Variants in ANO3 observed in about 807,000 individuals in gnomAD.
ANO3 encodes anoctamin 3.
Under a neutral mutation model 144.8 loss-of-function variants are expected in ANO3, and 99 were observed. The observed-to-expected ratio is 0.68, with a 90% CI of 0.58 to 0.81. The LOEUF is 0.81. ANO3 is among the 30% of genes least tolerant of loss of function. ANO3 has a pLI of 0.00. For missense variants in ANO3, 905 were observed against 1,202.2 expected, an observed-to-expected ratio of 0.75 and a Z score of 3.66; for synonymous variants, 414 against 392.6, an observed-to-expected ratio of 1.05 and a Z score of -0.64.
intron 1 of ANO3, among the ~76,000 whole-genome samples, chr11:26,215,747 T>A (rs2133787387): frequency 6.6e-6 from 1 of 152,146 alleles, no homozygotes; most frequent in African/African-American, 2.4e-5. Flanking sequence ...GGTAGCTATC[T>A]CTATCTATAT....
At chr11:26,381,443 T>G (rs1455350927) in intron 1 of ANO3, among the ~76,000 whole-genome samples, 1 of 152,208 alleles carries the variant, frequency 6.6e-6, no homozygotes, top group Non-Finnish European at 1.5e-5. Flanking sequence ...ATAGGCTTTT[T>G]CCTACTACGC....
chr11:26,247,473 A>C (rs1852823528), intron 1 of ANO3, among the ~76,000 whole-genome samples: 1 of 152,228 alleles, frequency 6.6e-6, no homozygotes, highest in Non-Finnish European at 1.5e-5. Flanking sequence ...AAAGGGGAAC[A>C]TGCTTCATCA....
chr11:26,544,962 T>C (rs546479946), intron 11 of ANO3, among the ~76,000 whole-genome samples: 7 of 152,076 alleles, frequency 4.6e-5, no homozygotes, highest in Admixed American at 3.3e-4. Flanking sequence ...TGAAAGAGTA[T>C]AGATGGCATT....
intron 1 of ANO3, among the ~76,000 whole-genome samples, chr11:26,286,357 G>C (rs913199402): frequency 6.6e-6 from 1 of 152,168 alleles, no homozygotes; most frequent in African/African-American, 2.4e-5. Flanking sequence ...TCAGGGGTCT[G>C]AATTCTGGCT....
intron 1 of ANO3, among the ~76,000 whole-genome samples, chr11:26,232,289 C>G (rs1055629841): frequency 6.6e-6 from 1 of 152,116 alleles, no homozygotes; most frequent in Non-Finnish European, 1.5e-5. Context: ...GTGGTAGGAA[C>G]AGCAAGACGT....
chr11:26,379,789 T>TCA (rs1856537358), intron 1 of ANO3, among the ~76,000 whole-genome samples: 1 of 151,978 alleles, frequency 6.6e-6, no homozygotes, highest in African/African-American at 2.4e-5. Context: ...AAACCCCGTT[T>TCA]CAAAAAAAGA....
At chr11:26,235,966 T>A (rs1381569759) in intron 1 of ANO3, among the ~76,000 whole-genome samples, 1 of 152,186 alleles carries the variant, frequency 6.6e-6, no homozygotes, top group South Asian at 2.1e-4. Flanking sequence ...ATACTTCTTA[T>A]GTTTCTTTTT....
intron 9 of ANO3, 111 bp downstream of exon 9, chr11:26,534,673 A>G (rs1849459811): frequency 1.5e-6 from 1 of 678,998 alleles, no homozygotes; most frequent in East Asian, 2.7e-5. Context: ...ATAGATGTGT[A>G]TAACATATTG....
At chr11:26,420,192 A>G (rs1319524901) in intron 1 of ANO3, among the ~76,000 whole-genome samples, 4 of 152,096 alleles carry the variant, frequency 2.6e-5, no homozygotes, top group Non-Finnish European at 1.5e-5. Context: ...TCAAAAGTAA[A>G]TCAAACTCAA....
At chr11:26,359,876 A>AGTTGT in intron 1 of ANO3, among the ~76,000 whole-genome samples, 1 of 149,498 alleles carries the variant, frequency 6.7e-6, no homozygotes, top group East Asian at 2.0e-4. Context: ...ATGTCAGACT[A>AGTTGT]GTGTGTGTGT....
intron 14 of ANO3, among the ~76,000 whole-genome samples, chr11:26,596,725 A>G (rs1851640059): frequency 6.6e-6 from 1 of 152,188 alleles, no homozygotes; most frequent in East Asian, 1.9e-4. Context: ...TTGGGGCTAC[A>G]CTTTCAAGAA....
intron 1 of ANO3, among the ~76,000 whole-genome samples, chr11:26,423,220 T>C (rs1857805761): frequency 1.3e-5 from 2 of 151,398 alleles, no homozygotes; most frequent in African/African-American, 2.4e-5. Context: ...AAAAGAAGAA[T>C]CAGTGTTTTT....
At chr11:26,261,458 C>T (rs1467473661) in intron 1 of ANO3, among the ~76,000 whole-genome samples, 7 of 152,184 alleles carry the variant, frequency 4.6e-5, no homozygotes, top group Non-Finnish European at 8.8e-5. Flanking sequence ...AAATCATCAC[C>T]TGATTGCTTT....
chr11:26,431,532 T>C (rs918807222), intron 1 of ANO3, among the ~76,000 whole-genome samples: 1 of 152,182 alleles, frequency 6.6e-6, no homozygotes, highest in Non-Finnish European at 1.5e-5. Flanking sequence ...ACCCAATAGT[T>C]ATTTTTGTTT....
intron 1 of ANO3, among the ~76,000 whole-genome samples, chr11:26,256,837 T>C (rs1461397): frequency 0.22 from 33,612 of 151,928 alleles, 4,415 homozygotes; most frequent in South Asian, 0.29. Context: ...TGGTTCACAG[T>C]TTGGAGGATT....
At chr11:26,405,809 GAGA>G (rs1857262604) in intron 1 of ANO3, among the ~76,000 whole-genome samples, 2 of 151,994 alleles carry the variant, frequency 1.3e-5, no homozygotes, top group African/African-American at 4.8e-5. Context: ...CCTTCCCTGA[GAGA>G]AGTAGTTTTC....
intron 1 of ANO3, among the ~76,000 whole-genome samples, chr11:26,271,672 A>G (rs1204394395): frequency 6.6e-6 from 1 of 151,634 alleles, no homozygotes; most frequent in Non-Finnish European, 1.5e-5. Flanking sequence ...GTTGATTTTT[A>G]TAAACACTAT....
At chr11:26,245,628 C>G (rs746305832) in intron 1 of ANO3, among the ~76,000 whole-genome samples, 1 of 152,074 alleles carries the variant, frequency 6.6e-6, no homozygotes, top group Admixed American at 6.6e-5. Flanking sequence ...CAAAGGAAAA[C>G]GTTTCCTTTT....
At chr11:26,560,928 A>G in intron 14 of ANO3, 1 of 813,520 alleles carries the variant, frequency 1.2e-6, no homozygotes, top group Non-Finnish European at 1.9e-6. Context: ...CATTTCTGCT[A>G]CTGGTCTCCT....
Sources: gnomAD v4.1 joint callset for allele counts (sites outside exome capture counted in the v4.1 genomes callset) on GRCh38, gnomAD v4.1.1 for gene constraint, MANE v1.5 for transcripts, NCBI Gene and HGNC (gene_info 2026-07-23, HGNC 2026-07-21) for gene names.